PCMTD1: variants seen among roughly 807,000 people sequenced by gnomAD.
The protein encoded by PCMTD1 is protein-L-isoaspartate (D-aspartate) O-methyltransferase domain containing 1.
A neutral mutation model predicts 37.6 loss-of-function variants in PCMTD1; 12 were observed. That is an observed-to-expected ratio of 0.32 (90% CI 0.20 to 0.52). PCMTD1 has a LOEUF of 0.52. PCMTD1 is among the 20% of genes least tolerant of loss of function. The pLI is 0.97. For missense variants in PCMTD1, 235 were observed against 421.3 expected, an observed-to-expected ratio of 0.56 and a Z score of 3.87; for synonymous variants, 117 against 135.8, an observed-to-expected ratio of 0.86 and a Z score of 0.96.
At chr8:51,835,015 G>A (rs1009691710) in intron 3 of PCMTD1, among the ~76,000 whole-genome samples, 3 of 152,022 alleles carry the variant, frequency 2.0e-5, no homozygotes, top group Non-Finnish European at 4.4e-5. Flanking sequence ...TCTCTAATGC[G>A]CAGGATAAGT....
intron 2 of PCMTD1, among the ~76,000 whole-genome samples, chr8:51,852,563 T>C (rs1380893293): frequency 6.6e-6 from 1 of 152,196 alleles, no homozygotes; most frequent in African/African-American, 2.4e-5. Flanking sequence ...AAGCCAACTA[T>C]CATCCCTATA....
chr8:51,849,130 G>T (rs1346078809), intron 2 of PCMTD1: 1 of 152,218 alleles, frequency 6.6e-6, no homozygotes, highest in South Asian at 2.1e-4. Context: ...TTCTGAGAAA[G>T]GGGACTAAGA....
intron 2 of PCMTD1, among the ~76,000 whole-genome samples, chr8:51,856,196 C>T (rs2038385838): frequency 1.3e-5 from 2 of 152,028 alleles, no homozygotes; most frequent in African/African-American, 4.8e-5. Flanking sequence ...AATTAAAAAA[C>T]AGGAAAAGAT....
chr8:51,855,394 G>A (rs547021756), intron 2 of PCMTD1, among the ~76,000 whole-genome samples: 3 of 149,858 alleles, frequency 2.0e-5, no homozygotes, highest in East Asian at 2.0e-4. Flanking sequence ...TTAGCCAAGC[G>A]TGGTGACGTG....
chr8:51,862,998 T>G (rs181502394), intron 1 of PCMTD1, among the ~76,000 whole-genome samples: 1 of 151,884 alleles, frequency 6.6e-6, no homozygotes, highest in African/African-American at 2.4e-5. Flanking sequence ...GCATCTCAAC[T>G]TGCTGAGTCC....
intron 2 of PCMTD1, among the ~76,000 whole-genome samples, chr8:51,859,480 C>G (rs2038440451): frequency 6.6e-6 from 1 of 152,050 alleles, no homozygotes; most frequent in South Asian, 2.1e-4. Context: ...TTGAACAGTT[C>G]TTATACATTA....
intron 5 of PCMTD1, chr8:51,826,898 T>C: frequency 1.1e-6 from 1 of 875,974 alleles, no homozygotes; most frequent in Non-Finnish European, 1.4e-6. Flanking sequence ...TGTAATAAAA[T>C]TAGTGGTGAA....
In PCMTD1 at chr8:51,895,934, A is replaced by ATTTTTTTTTTTTTTTTTTTT. The variant is rs1563367741; in HGVS notation, c.-96+2995_-96+2996insAAAAAAAAAAAAAAAAAAAA. ...CTTTATTAATGTTAGTATTTGTCCC[A>ATTTTTTTTTTTTTTTTTTTT]TTTCTTTTTTTTTTTTTTTTTTTTT... On this transcript the variant is annotated intron_variant, in intron 1 of 5. Transcript: ENST00000522514. 14 of 116,670 alleles carry ATTTTTTTTTTTTTTTTTTTT rather than the reference A, an allele frequency of 1.2e-4. 4 individuals carry two copies. Among genetic ancestry groups the ATTTTTTTTTTTTTTTTTTTT allele is most frequent in the Non-Finnish European group, 1.4e-4 (8 of 58,622 alleles). The allele number at this position is 116,670 out of a possible 1,614,324, so 7.2% of individuals were successfully genotyped here.
chr8:51,883,450 G>A (rs2038820958), intron 1 of PCMTD1, among the ~76,000 whole-genome samples: 1 of 151,878 alleles, frequency 6.6e-6, no homozygotes. Context: ...ATAATAGAGG[G>A]ACACACACAA....
intron 1 of PCMTD1, among the ~76,000 whole-genome samples, chr8:51,884,411 C>G (rs1349309232): frequency 6.6e-6 from 1 of 152,186 alleles, no homozygotes; most frequent in Non-Finnish European, 1.5e-5. Flanking sequence ...AAGGAATGTA[C>G]CATCATTTTA....
intron 1 of PCMTD1, among the ~76,000 whole-genome samples, chr8:51,867,476 GGT>G (rs59206546): frequency 0.15 from 20,719 of 141,148 alleles, 1,712 homozygotes; most frequent in East Asian, 0.31. Context: ...TAAAGAAAAT[GGT>G]GTGTGTGTGT....
At chr8:51,884,625 G>A (rs1431505570) in intron 1 of PCMTD1, among the ~76,000 whole-genome samples, 1 of 152,210 alleles carries the variant, frequency 6.6e-6, no homozygotes, top group Non-Finnish European at 1.5e-5. Flanking sequence ...AAGGGGAAAG[G>A]ACTTTGTTTC....
Position 51,817,616 on chromosome 8 carries a change from T to G in PCMTD1, c.*2735A>C, listed in dbSNP as rs928861260. ...ATGTAATTGTTTATTTAAAATAATTTTCCAAGTCTTCCAATGATTTAACAG... is the reference window on the plus strand; with the variant it reads ...ATGTAATTGTTTATTTAAAATAATTGTCCAAGTCTTCCAATGATTTAACAG... On this transcript the variant is annotated 3_prime_UTR_variant, in exon 6 of 6. Transcript: ENST00000522514. The G allele has an allele frequency of 5.0e-6, 1 of 201,556 alleles. No homozygotes were observed. Among genetic ancestry groups the G allele is most frequent in the African/African-American group, 2.4e-5 (1 of 42,224 alleles). 12.5% of individuals were successfully genotyped at this position (201,556 alleles called of 1,614,324 possible).
chr8:51,885,432 G>C (rs2038851772), intron 1 of PCMTD1, among the ~76,000 whole-genome samples: 1 of 152,146 alleles, frequency 6.6e-6, no homozygotes, highest in Non-Finnish European at 1.5e-5. Flanking sequence ...TTCCTGCCTA[G>C]GACAATATAT....
intron 5 of PCMTD1, among the ~76,000 whole-genome samples, chr8:51,828,448 T>C (rs1481926893): frequency 6.6e-6 from 1 of 152,206 alleles, no homozygotes; most frequent in Non-Finnish European, 1.5e-5. Flanking sequence ...AGATAGTCCC[T>C]GACTTATAAT....
At chr8:51,878,742 C>T (rs1049527531) in intron 1 of PCMTD1, among the ~76,000 whole-genome samples, 1 of 152,186 alleles carries the variant, frequency 6.6e-6, no homozygotes, top group African/African-American at 2.4e-5. Flanking sequence ...GAGTGAAACC[C>T]TGTCTCAAAA....
chr8:51,898,590 G>A (rs1465421158), intron 1 of PCMTD1, among the ~76,000 whole-genome samples: 5 of 152,150 alleles, frequency 3.3e-5, no homozygotes, highest in Admixed American at 2.0e-4. Flanking sequence ...AGGACGAGCC[G>A]AGGACGGGCC....
intron 1 of PCMTD1, among the ~76,000 whole-genome samples, chr8:51,880,425 C>T (rs149785181): frequency 5.9e-5 from 9 of 152,256 alleles, no homozygotes; most frequent in Admixed American, 1.3e-4. Flanking sequence ...TCATCTCTTA[C>T]TATGTTTTCT....
At chr8:51,838,448 C>T (rs924791868) in intron 3 of PCMTD1, among the ~76,000 whole-genome samples, 35 of 152,024 alleles carry the variant, frequency 2.3e-4, no homozygotes, top group African/African-American at 8.0e-4. Context: ...ATGACCATGG[C>T]CACTGCACTC....
Sources: gnomAD v4.1 joint callset for allele counts (sites outside exome capture counted in the v4.1 genomes callset) on GRCh38, gnomAD v4.1.1 for gene constraint, MANE v1.5 for transcripts, NCBI Gene and HGNC (gene_info 2026-07-23, HGNC 2026-07-21) for gene names.